Variants in CPT1A observed in about 807,000 individuals in gnomAD.
CPT1A encodes the protein carnitine palmitoyltransferase 1A.
A neutral mutation model predicts 100.8 loss-of-function variants in CPT1A; 64 were observed. That is an observed-to-expected ratio of 0.63 (90% CI 0.52 to 0.78). The LOEUF is 0.78. Among genes scored for constraint, CPT1A ranks in the 30% least tolerant of loss-of-function variants. The pLI, the probability that CPT1A is intolerant of heterozygous loss-of-function variation, is 0.00. For missense variants in CPT1A, 802 were observed against 1,034.1 expected, an observed-to-expected ratio of 0.78 and a Z score of 3.08; for synonymous variants, 363 against 396.0, an observed-to-expected ratio of 0.92 and a Z score of 0.99.
downstream of CPT1A, chr11:68,754,769 TCTC>T (rs780423904): frequency 1.8e-5 from 14 of 779,670 alleles, no homozygotes; most frequent in South Asian, 1.9e-4. Context: ...ATGTCCATGG[TCTC>T]CTCCAAGGCC....
intron 18 of CPT1A, among the ~76,000 whole-genome samples, chr11:68,759,330 G>A (rs572430744): frequency 2.0e-5 from 3 of 151,812 alleles, no homozygotes; most frequent in Non-Finnish European, 2.9e-5. Context: ...GGGAGGCAGA[G>A]GTTACAGTGA....
At chr11:68,764,019 C>T (rs906840285) in intron 14 of CPT1A, among the ~76,000 whole-genome samples, 2 of 152,104 alleles carry the variant, frequency 1.3e-5, no homozygotes, top group East Asian at 1.9e-4. Flanking sequence ...GGTCAAGGAA[C>T]GTGGGCATCT....
At chr11:68,785,235 A>G (rs1855425611) in intron 9 of CPT1A, among the ~76,000 whole-genome samples, 1 of 152,112 alleles carries the variant, frequency 6.6e-6, no homozygotes, top group Non-Finnish European at 1.5e-5. Context: ...TTAGTCACTC[A>G]TTAGATTATG....
chr11:68,816,916 T>TGTGTGTGGGTGTGTGTGTG (rs1566378878), intron 1 of CPT1A, among the ~76,000 whole-genome samples: 2 of 10,810 alleles, frequency 1.9e-4, no homozygotes, highest in East Asian at 8.5e-3. Context: ...GTGTGTGTGG[T>TGTGTGTGGGTGTGTGTGTG]GTGTGTGTGG....
intron 1 of CPT1A, among the ~76,000 whole-genome samples, chr11:68,825,667 G>A (rs560674156): frequency 1.1e-4 from 14 of 123,930 alleles, no homozygotes; most frequent in Admixed American, 1.8e-4. Flanking sequence ...CCGCCTCCCC[G>A]AGTGCCCGCC....
At chr11:68,761,388 A>G in intron 16 of CPT1A, 147 bp downstream of exon 16, 1 of 905,928 alleles carries the variant, frequency 1.1e-6, no homozygotes, top group South Asian at 1.4e-5. Context: ...CGCTGCTCAC[A>G]TTTTCCATTT....
intron 1 of CPT1A, among the ~76,000 whole-genome samples, chr11:68,822,385 T>C (rs761095895): frequency 6.6e-6 from 1 of 151,754 alleles, no homozygotes; most frequent in Non-Finnish European, 1.5e-5. Context: ...TCAAAGAAAT[T>C]ACCCAGGCAT....
intron 14 of CPT1A, among the ~76,000 whole-genome samples, chr11:68,770,876 C>G (rs371260440): frequency 6.6e-6 from 1 of 152,200 alleles, no homozygotes; most frequent in East Asian, 1.9e-4. Context: ...CACAGGTTCT[C>G]GAACAAGCCT....
chr11:68,815,448 G>A lies in CPT1A; in HGVS notation c.27C>T (p.Ala9=), dbSNP rs150880777. 1.2e-6 allele frequency: 2 copies of A among 1,614,018 alleles called. No homozygotes were observed. The highest frequency in any genetic ancestry group is 2.7e-5 in the African/African-American group (2 of 74,894). Residue 9 remains alanine (A), a synonymous_variant, in exon 2 of 19, where the codon GCC becomes GCT. Transcript: ENST00000265641. MAEAHQAV[A]FQFTVTPDGI... is the part of the protein sequence containing the mutation. The stretch of plus-strand genomic sequence containing the variant: ...CGTCCGGAGTGACCGTGAACTGAAA[G>A]GCCACAGCTTGGTGAGCTTCTGCCA...
intron 14 of CPT1A, among the ~76,000 whole-genome samples, chr11:68,763,368 TG>T (rs890320067): frequency 1.3e-5 from 2 of 151,856 alleles, no homozygotes; most frequent in Non-Finnish European, 2.9e-5. Flanking sequence ...AGGTGCAGCC[TG>T]CAGCAGTGTA....
intron 1 of CPT1A, among the ~76,000 whole-genome samples, chr11:68,824,118 G>T (rs1049114272): frequency 6.6e-6 from 1 of 151,042 alleles, no homozygotes; most frequent in Non-Finnish European, 1.5e-5. Flanking sequence ...CGCGGTGGCA[G>T]ACGCCTGTAA....
chr11:68,819,461 A>G (rs74776084), intron 1 of CPT1A, among the ~76,000 whole-genome samples: 3,634 of 152,280 alleles, frequency 0.024, 142 homozygotes, highest in African/African-American at 0.082. Context: ...GGACTCTGCA[A>G]AGCATGCACC....
At chr11:68,807,390 GT>G in intron 4 of CPT1A, 76 bp downstream of exon 4, 8 of 1,427,074 alleles carry the variant, frequency 5.6e-6, no homozygotes, top group Non-Finnish European at 6.8e-6. Context: ...TCGCAGGGGT[GT>G]CCTTCCGCAG....
At chr11:68,785,264 G>A (rs1005178989) in intron 9 of CPT1A, among the ~76,000 whole-genome samples, 4 of 152,048 alleles carry the variant, frequency 2.6e-5, no homozygotes, top group Admixed American at 2.0e-4. Context: ...CAAATTACCC[G>A]AGGCCAGGCG....
intron 1 of CPT1A, among the ~76,000 whole-genome samples, chr11:68,840,796 C>T (rs113819889): frequency 1.8e-4 from 27 of 152,356 alleles, no homozygotes; most frequent in African/African-American, 6.0e-4. Flanking sequence ...GCGGTGGCTC[C>T]GAGAAGGGGC....
At chr11:68,842,163 G>A (rs1431915437), upstream of CPT1A, among the ~76,000 whole-genome samples, 5 of 152,162 alleles carry the variant, frequency 3.3e-5, no homozygotes, top group East Asian at 5.8e-4. Context: ...GCATAAAATC[G>A]CTTAGCTCCG....
At chr11:68,766,561 C>T (rs984435743) in intron 14 of CPT1A, among the ~76,000 whole-genome samples, 4 of 152,126 alleles carry the variant, frequency 2.6e-5, no homozygotes, top group Non-Finnish European at 5.9e-5. Context: ...TCTCAGCTCA[C>T]TATAACCTCC....
intron 16 of CPT1A, among the ~76,000 whole-genome samples, chr11:68,760,893 T>C (rs1946794831): frequency 6.6e-6 from 1 of 151,124 alleles, no homozygotes; most frequent in South Asian, 2.1e-4. Context: ...TGGCAGCGTG[T>C]GCCTGTAATC....
intron 7 of CPT1A, among the ~76,000 whole-genome samples, chr11:68,795,871 T>C (rs1855743345): frequency 6.7e-6 from 1 of 148,776 alleles, no homozygotes; most frequent in African/African-American, 2.5e-5. Flanking sequence ...ATTGCACCAG[T>C]GCACTCCAGC....
Sources: allele counts gnomAD v4.1 joint callset (sites outside exome capture counted in the v4.1 genomes callset), GRCh38; gene constraint gnomAD v4.1.1; transcripts MANE v1.5; gene names NCBI Gene and HGNC (gene_info 2026-07-23, HGNC 2026-07-21).